EYA4: variants seen among roughly 807,000 people sequenced by gnomAD.
EYA4 encodes the protein protein phosphatase EYA4.
EYA4 carries 31 observed loss-of-function variants against 87.9 expected under a neutral mutation model. The observed-to-expected ratio is 0.35, with a 90% confidence interval of 0.27 to 0.48. The LOEUF (loss-of-function observed/expected upper bound fraction) is 0.48, where lower values mean the gene tolerates loss of function less well. EYA4 is among the 20% of genes least tolerant of loss of function. EYA4 has a pLI of 0.99. For synonymous variants in EYA4, 263 were observed against 270.6 expected (o/e 0.97, Z 0.28); for missense variants, 678 against 761.4 (o/e 0.89, Z 1.29).
intron 1 of EYA4, among the ~76,000 whole-genome samples, chr6:133,245,606 A>C (rs979719559): frequency 1.3e-4 from 20 of 152,196 alleles, no homozygotes; most frequent in Admixed American, 9.2e-4. Context: ...TAAACTAAGA[A>C]ATGACATGCT....
chr6:133,300,025 T>TA (rs1010057736), intron 2 of EYA4, among the ~76,000 whole-genome samples: 1 of 151,668 alleles, frequency 6.6e-6, no homozygotes, highest in African/African-American at 2.4e-5. Flanking sequence ...CCAGAAATCT[T>TA]ACTGATAACA....
At chr6:133,355,230 T>C (rs1221301776) in intron 2 of EYA4, among the ~76,000 whole-genome samples, 2 of 152,186 alleles carry the variant, frequency 1.3e-5, no homozygotes, top group Admixed American at 6.5e-5. Context: ...TTCCTGATCC[T>C]CTCCCTCCTG....
In EYA4 at chr6:133,399,455, G is replaced by T. The variant is rs543802566; in HGVS notation, c.83+17014G>T. Reference sequence around the variant, plus strand: ...GTAGAAAGGTGGAAAAAGTTAGAGAGTTAAAAACAGGTTGATACAAGCTGT... The same window carrying T: ...GTAGAAAGGTGGAAAAAGTTAGAGATTTAAAAACAGGTTGATACAAGCTGT... On this transcript the variant is annotated intron_variant, in intron 3 of 19. Transcript: ENST00000355286. Among the ~76,000 whole-genome samples the T allele has an allele frequency of 7.9e-5, 12 of 152,016 alleles. No homozygotes were observed. In the South Asian group the frequency reaches 2.5e-3, roughly 32 times the overall value.
At position 133,461,153 on chromosome 6, in the gene EYA4, A is replaced by G. The variant is rs754993172; in HGVS notation, c.410A>G (p.Gln137Arg). Residue 137 changes from glutamine (Q) to arginine (R), a missense_variant, in exon 7 of 20, where the codon CAG becomes CGG. Gln to Arg is a conservative substitution (Grantham distance 43). Coordinates refer to ENST00000355286, the MANE Select transcript of EYA4 (RefSeq NM_004100.5). Reference protein sequence around the residue: ...SSGYSPRSAHQYSPQLYPSKP... With the variant: ...SSGYSPRSAHRYSPQLYPSKP... ...GGCTACAGCCCCAGATCAGCACATC[A>G]GTATTCCCCACAGCTGTATCCTTCC... 2 of 1,613,278 alleles carry G rather than the reference A, an allele frequency of 1.2e-6. No homozygotes were observed. The highest frequency in any genetic ancestry group is 3.3e-5 in the Admixed American group (2 of 59,994).
Position 133,252,475 on chromosome 6 carries a change from A to G in EYA4, c.-66+10726A>G, listed in dbSNP as rs376727948. 3.0e-4 allele frequency among the ~76,000 whole-genome samples: 46 copies of G among 152,270 alleles called. No individual in the cohort carries two copies. In the East Asian group the frequency reaches 8.1e-3, roughly 27 times the overall value. ...ATCCAAACTTTTAAGTTCTCATTCT[A>G]TGGGTTTGATGTTGACCAATACATT... On this transcript the variant is annotated intron_variant, in intron 1 of 19. Transcript: ENST00000355286.
intron 14 of EYA4, among the ~76,000 whole-genome samples, chr6:133,512,490 C>T (rs977926929): frequency 2.0e-5 from 3 of 151,934 alleles, no homozygotes; most frequent in Admixed American, 6.6e-5. Flanking sequence ...ACTCTCATGC[C>T]GTATATTTTC....
chr6:133,328,638 T>C (rs1272686083), intron 2 of EYA4, among the ~76,000 whole-genome samples: 2 of 152,164 alleles, frequency 1.3e-5, no homozygotes, highest in Non-Finnish European at 2.9e-5. Context: ...CACTGGCAAA[T>C]ATATTTAAAT....
chr6:133,522,129 A>G (rs1224809103), intron 17 of EYA4, among the ~76,000 whole-genome samples: 3 of 150,368 alleles, frequency 2.0e-5, no homozygotes, highest in South Asian at 2.1e-4. Flanking sequence ...AAAAAAAAAA[A>G]GGAAAAAAAA....
intron 2 of EYA4, among the ~76,000 whole-genome samples, chr6:133,344,067 G>A (rs946572505): frequency 1.3e-5 from 2 of 152,176 alleles, no homozygotes; most frequent in Admixed American, 1.3e-4. Flanking sequence ...AGCGAGAACA[G>A]GAGAGTGTTC....
chr6:133,372,426 G>C (rs962764750), intron 2 of EYA4, among the ~76,000 whole-genome samples: 1 of 151,328 alleles, frequency 6.6e-6, no homozygotes, highest in Admixed American at 6.6e-5. Flanking sequence ...CTGAGAAAAG[G>C]TGATTTGTAA....
intron 3 of EYA4, among the ~76,000 whole-genome samples, chr6:133,405,787 G>C (rs1467763122): frequency 6.6e-6 from 1 of 152,094 alleles, no homozygotes; most frequent in Non-Finnish European, 1.5e-5. Context: ...AGAATGAATG[G>C]GGGGAAGGGG....
chr6:133,429,975 G>A (rs935020130), intron 3 of EYA4, among the ~76,000 whole-genome samples: 1 of 151,706 alleles, frequency 6.6e-6, no homozygotes, highest in African/African-American at 2.4e-5. Flanking sequence ...CACCCAGATT[G>A]TGAACACAGC....
intron 3 of EYA4, among the ~76,000 whole-genome samples, chr6:133,441,484 C>T (rs999632500): frequency 2.6e-5 from 4 of 152,148 alleles, no homozygotes; most frequent in African/African-American, 9.7e-5. Context: ...TGCGCACTTA[C>T]AGATAGAGCA....
At chr6:133,444,141 T>G (rs1792575575) in intron 3 of EYA4, among the ~76,000 whole-genome samples, 1 of 152,236 alleles carries the variant, frequency 6.6e-6, no homozygotes, top group African/African-American at 2.4e-5. Flanking sequence ...TCATAAAAGC[T>G]CCAACTATGA....
intron 3 of EYA4, among the ~76,000 whole-genome samples, chr6:133,433,761 A>G (rs1354358860): frequency 6.6e-6 from 1 of 152,174 alleles, no homozygotes; most frequent in Non-Finnish European, 1.5e-5. Context: ...AATCTAACAG[A>G]CAGGCTGAAA....
intron 2 of EYA4, among the ~76,000 whole-genome samples, chr6:133,308,957 T>A (rs1780015823): frequency 6.6e-6 from 1 of 152,054 alleles, no homozygotes; most frequent in African/African-American, 2.4e-5. Context: ...TTTTGAATTT[T>A]TTTTATCTAA....
intron 3 of EYA4, among the ~76,000 whole-genome samples, chr6:133,391,574 A>G (rs1034496799): frequency 2.0e-5 from 3 of 152,136 alleles, no homozygotes; most frequent in Non-Finnish European, 4.4e-5. Flanking sequence ...GAAAATGCCC[A>G]TGTGACACTG....
chr6:133,330,036 G>T (rs1005012119), intron 2 of EYA4, among the ~76,000 whole-genome samples: 58 of 152,090 alleles, frequency 3.8e-4, no homozygotes, highest in African/African-American at 1.4e-3. Context: ...GTACAGTGAG[G>T]CAGGAGAGCA....
Position 133,386,336 on chromosome 6 carries a change from A to G in EYA4, c.83+3895A>G, listed in dbSNP as rs190695793. Among the ~76,000 whole-genome samples the G allele has an allele frequency of 4.3e-3, 656 of 152,206 alleles. 2 individuals are homozygous for G. The highest frequency in any genetic ancestry group is 7.7e-3 in the Admixed American group (117 of 15,288). ...GTAATAAATAGCTCCTGGACAAATG[A>G]ATTTTACAGCAGAAGTTTCCATGAA... On this transcript the variant is annotated intron_variant, in intron 3 of 19. Transcript: ENST00000355286.
Sources: gnomAD v4.1 joint callset for allele counts (sites outside exome capture counted in the v4.1 genomes callset) on GRCh38, gnomAD v4.1.1 for gene constraint, MANE v1.5 for transcripts, NCBI Gene and HGNC (gene_info 2026-07-23, HGNC 2026-07-21) for gene names.